Variants in RASAL2 observed in about 807,000 individuals in gnomAD.
RASAL2 encodes the protein RAS protein activator like 2.
A neutral mutation model predicts 128.9 loss-of-function variants in RASAL2; 58 were observed. The ratio of observed to expected loss-of-function variants is 0.45; its 90% CI spans 0.36 to 0.56. The LOEUF (loss-of-function observed/expected upper bound fraction) is 0.56. Ranked by LOEUF, RASAL2 falls within the 20% of genes least tolerant of loss-of-function variation. RASAL2 has a pLI of 0.00. For synonymous variants in RASAL2, 561 were observed against 580.8 expected, an observed-to-expected ratio of 0.97 and a Z score of 0.49; for missense variants, 1,360 against 1,601.6, an observed-to-expected ratio of 0.85 and a Z score of 2.57.
In RASAL2 at chr1:178,285,103, C is replaced by CTTTTTTT. The variant is rs58901015; in HGVS notation, c.330+1434_330+1440dup. 1.2e-3 allele frequency among the ~76,000 whole-genome samples: 100 copies of CTTTTTTT among 81,936 alleles called. 2 individuals are homozygous for CTTTTTTT. Among genetic ancestry groups the CTTTTTTT allele is most frequent in the African/African-American group, 1.8e-3 (29 of 16,456 alleles). 53.8% of individuals were successfully genotyped at this position (81,936 alleles called of 152,430 possible). A position where few individuals can be genotyped will look rare whatever the true frequency, so the allele number is the denominator to read the frequency against. ...GTATTTTAATAGGCATTGCTACTTT[C>CTTTTTTT]TTTTTTTTTTTTTTTTTTTTTTTTT... On this transcript the variant is annotated intron_variant, in intron 2 of 17. Coordinates refer to ENST00000367649, the MANE Select transcript of RASAL2 (RefSeq NM_170692.4).
chr1:178,324,918 C>T (rs749616624), intron 3 of RASAL2, among the ~76,000 whole-genome samples: 8 of 152,170 alleles, frequency 5.3e-5, no homozygotes, highest in South Asian at 4.1e-4. Context: ...TTGGCACCCA[C>T]CTGCCAACTG....
chr1:178,384,944 G>A (rs530256781), intron 3 of RASAL2, among the ~76,000 whole-genome samples: 7 of 152,004 alleles, frequency 4.6e-5, no homozygotes, highest in African/African-American at 1.2e-4. Context: ...TCGGTTAAAC[G>A]AGATTGAACA....
At chr1:178,459,548 G>C (rs1678028970) in intron 14 of RASAL2, among the ~76,000 whole-genome samples, 1 of 152,184 alleles carries the variant, frequency 6.6e-6, no homozygotes, top group African/African-American at 2.4e-5. Context: ...ATCCTAGTTT[G>C]TATCTGTTAT....
chr1:178,121,053 T>C (rs1281121979), intron 1 of RASAL2: 1 of 152,216 alleles, frequency 6.6e-6, no homozygotes, highest in Non-Finnish European at 1.5e-5. Context: ...TTCCTTTTCC[T>C]CAAGTTTTCA....
At chr1:178,468,103 T>A (rs1647923578) in intron 17 of RASAL2, among the ~76,000 whole-genome samples, 1 of 152,260 alleles carries the variant, frequency 6.6e-6, no homozygotes, top group Non-Finnish European at 1.5e-5. Flanking sequence ...CATAGGGACA[T>A]GTCAATGATT....
At chr1:178,355,743 C>T (rs933250160) in intron 3 of RASAL2, among the ~76,000 whole-genome samples, 3 of 152,036 alleles carry the variant, frequency 2.0e-5, no homozygotes, top group African/African-American at 4.8e-5. Context: ...TCAAGCATCC[C>T]GACAAATTGA....
At chr1:178,370,782 T>TC (rs1280011519) in intron 3 of RASAL2, among the ~76,000 whole-genome samples, 11 of 152,134 alleles carry the variant, frequency 7.2e-5, no homozygotes, top group Non-Finnish European at 1.2e-4. Context: ...TAAAACAAGG[T>TC]CCATGTCCTC....
intron 1 of RASAL2, among the ~76,000 whole-genome samples, chr1:178,103,896 G>A (rs1658997381): frequency 6.6e-6 from 1 of 151,924 alleles, no homozygotes; most frequent in Admixed American, 6.6e-5. Flanking sequence ...TGGCTTTTTG[G>A]TTTTATGTCA....
At chr1:178,432,771 G>A (rs1012779672) in intron 5 of RASAL2, among the ~76,000 whole-genome samples, 26 of 152,002 alleles carry the variant, frequency 1.7e-4, no homozygotes, top group African/African-American at 6.3e-4. Flanking sequence ...ATCTCTCAGT[G>A]CCATCTACTT....
intron 3 of RASAL2, among the ~76,000 whole-genome samples, chr1:178,306,236 T>G (rs1667982138): frequency 1.3e-5 from 2 of 152,206 alleles, no homozygotes; most frequent in African/African-American, 4.8e-5. Flanking sequence ...CTTATCATTT[T>G]TTATGGCTGC....
chr1:178,340,708 AG>A (rs1669827777), intron 3 of RASAL2, among the ~76,000 whole-genome samples: 1 of 152,172 alleles, frequency 6.6e-6, no homozygotes. Context: ...GGAGGAAATC[AG>A]GCATCAGCTT....
intron 3 of RASAL2, among the ~76,000 whole-genome samples, chr1:178,339,631 A>G (rs367751670): frequency 2.0e-5 from 3 of 152,306 alleles, no homozygotes; most frequent in African/African-American, 7.2e-5. Context: ...AAGCCTGTTC[A>G]TTTTGGATAG....
chr1:178,384,364 T>C (rs1031379331), intron 3 of RASAL2, among the ~76,000 whole-genome samples: 1 of 152,208 alleles, frequency 6.6e-6, no homozygotes, highest in African/African-American at 2.4e-5. Flanking sequence ...TCCTGCTGAA[T>C]TTCCTCCTCT....
chr1:178,174,851 A>T (rs1661830976), intron 1 of RASAL2, among the ~76,000 whole-genome samples: 1 of 152,180 alleles, frequency 6.6e-6, no homozygotes. Context: ...TTTAAAAAAT[A>T]ATCATCCTTG....
intron 3 of RASAL2, among the ~76,000 whole-genome samples, chr1:178,361,843 GT>G (rs1334677429): frequency 6.6e-6 from 1 of 152,006 alleles, no homozygotes; most frequent in Admixed American, 6.6e-5. Flanking sequence ...GCCTGAGCTC[GT>G]TTCCCTGCAA....
intron 4 of RASAL2, among the ~76,000 whole-genome samples, chr1:178,401,348 A>C (rs72707022): frequency 0.066 from 10,004 of 152,298 alleles, 448 homozygotes; most frequent in Middle Eastern, 0.14. Context: ...GGTGGAATTT[A>C]GTGAGTAGGA....
chr1:178,158,742 T>C (rs10913512), intron 1 of RASAL2, among the ~76,000 whole-genome samples: 16,638 of 152,210 alleles, frequency 0.11, 1,164 homozygotes, highest in African/African-American at 0.19. Context: ...CCCTTATAAT[T>C]CAAATCCCTA....
chr1:178,115,756 A>C (rs1659502177), intron 1 of RASAL2, among the ~76,000 whole-genome samples: 1 of 152,256 alleles, frequency 6.6e-6, no homozygotes, highest in African/African-American at 2.4e-5. Flanking sequence ...CAGAGAGATC[A>C]GCCAGAAGGC....
rs1013655216 is a variant in RASAL2, at chr1:178,162,552, ATAAT to A, written c.202+67859_202+67862del. Among the ~76,000 whole-genome samples the A allele has an allele frequency of 8.9e-4, 120 of 135,020 alleles. 1 individual carries two copies. Among genetic ancestry groups the A allele is most frequent in the Non-Finnish European group, 1.5e-3 (99 of 64,976 alleles). 88.6% of individuals were successfully genotyped at this position (135,020 alleles called of 152,430 possible). ...TAATATATCTTTATATAAAATATAT[ATAAT>A]ATATCTTTATATAAAATATATATAA... On this transcript the variant is annotated intron_variant, in intron 1 of 17. Coordinates refer to ENST00000367649, the MANE Select transcript of RASAL2 (RefSeq NM_170692.4).
Sources: allele counts gnomAD v4.1 joint callset (sites outside exome capture counted in the v4.1 genomes callset), GRCh38; gene constraint gnomAD v4.1.1; transcripts MANE v1.5; gene names NCBI Gene and HGNC (gene_info 2026-07-23, HGNC 2026-07-21).